Variants in ZCWPW2 observed in about 807,000 individuals in gnomAD.
ZCWPW2 encodes zinc finger CW-type and PWWP domain containing 2.
Under a neutral mutation model 46.6 loss-of-function variants are expected in ZCWPW2, and 45 were observed. That is an observed-to-expected ratio of 0.96 (90% CI 0.76 to 1.24). The LOEUF (loss-of-function observed/expected upper bound fraction) is 1.24. ZCWPW2 is among the 50% of genes most tolerant of loss of function. The pLI is 0.00. For synonymous variants in ZCWPW2, 152 were observed against 137.1 expected, an observed-to-expected ratio of 1.11 and a Z score of -0.76; for missense variants, 429 against 403.9, an observed-to-expected ratio of 1.06 and a Z score of -0.53.
chr3:28,351,108 A>T (rs2125683586), intron 1 of ZCWPW2, among the ~76,000 whole-genome samples: 1 of 151,524 alleles, frequency 6.6e-6, no homozygotes, highest in Admixed American at 6.6e-5. Flanking sequence ...CTACAAATTT[A>T]ATCTGAAATT....
intron 1 of ZCWPW2, among the ~76,000 whole-genome samples, chr3:28,372,389 G>T (rs1575060615): frequency 6.6e-6 from 1 of 152,198 alleles, no homozygotes; most frequent in East Asian, 1.9e-4. Context: ...AGCAAATCAT[G>T]AAATGTTAAC....
At chr3:28,372,229 AT>A (rs1272784269) in intron 1 of ZCWPW2, among the ~76,000 whole-genome samples, 2 of 152,132 alleles carry the variant, frequency 1.3e-5, no homozygotes, top group African/African-American at 2.4e-5. Flanking sequence ...AATTATGAAG[AT>A]TGTTGGATGT....
Position 28,410,913 on chromosome 3 carries a change from G to A in ZCWPW2, c.-13-2143G>A, listed in dbSNP as rs1696373739. Among the ~76,000 whole-genome samples the A allele has an allele frequency of 2.0e-5, 3 of 151,872 alleles. No homozygotes were observed. In the South Asian group the frequency reaches 6.2e-4, roughly 31 times the overall value. The stretch of plus-strand genomic sequence containing the variant: ...AGAGAGGGCATAAACAAACTTCAAA[G>A]CAAAAGAGACAAATGTAGTAGATAT... On this transcript the variant is annotated intron_variant, in intron 2 of 9. Transcript: ENST00000383768.
At chr3:28,438,500 A>C (rs1401888659) in intron 4 of ZCWPW2, among the ~76,000 whole-genome samples, 1 of 152,234 alleles carries the variant, frequency 6.6e-6, no homozygotes, top group East Asian at 1.9e-4. Context: ...TGGCACAAAG[A>C]TAGCCGACAA....
chr3:28,473,913 A>T (rs575343103), intron 4 of ZCWPW2, among the ~76,000 whole-genome samples: 3 of 152,188 alleles, frequency 2.0e-5, no homozygotes, highest in Non-Finnish European at 2.9e-5. Context: ...GAGATGTTTA[A>T]TGAGTACAAA....
At chr3:28,363,983 G>C (rs1018209761) in intron 1 of ZCWPW2, among the ~76,000 whole-genome samples, 3 of 152,048 alleles carry the variant, frequency 2.0e-5, no homozygotes, top group Non-Finnish European at 4.4e-5. Context: ...CAAATTTCCT[G>C]TTAATAGCCT....
intron 4 of ZCWPW2, chr3:28,461,396 A>G: frequency 6.6e-6 from 1 of 152,242 alleles, no homozygotes; most frequent in Non-Finnish European, 1.5e-5. Flanking sequence ...TGCTACCAAT[A>G]CTAGAGGATA....
chr3:28,491,801 C>G (rs1401563994), intron 5 of ZCWPW2, among the ~76,000 whole-genome samples: 3 of 151,996 alleles, frequency 2.0e-5, no homozygotes, highest in African/African-American at 7.2e-5. Flanking sequence ...GTTCTAGATC[C>G]TATATACTCC....
intron 1 of ZCWPW2, among the ~76,000 whole-genome samples, chr3:28,382,275 A>T (rs1470497450): frequency 6.6e-6 from 1 of 152,006 alleles, no homozygotes; most frequent in African/African-American, 2.4e-5. Context: ...TCTGAGAGCT[A>T]TGAGGGAAGG....
At chr3:28,436,529 C>T (rs775873494) in intron 4 of ZCWPW2, among the ~76,000 whole-genome samples, 3 of 151,932 alleles carry the variant, frequency 2.0e-5, no homozygotes, top group Non-Finnish European at 2.9e-5. Context: ...ATTTAATCCA[C>T]AGTAAAATTA....
chr3:28,508,156 G>C (rs1700329417), intron 6 of ZCWPW2, among the ~76,000 whole-genome samples: 1 of 152,042 alleles, frequency 6.6e-6, no homozygotes, highest in Non-Finnish European at 1.5e-5. Flanking sequence ...AGAATTAATA[G>C]ACTGAGAACT....
At chr3:28,463,876 G>C (rs569422117) in intron 4 of ZCWPW2, among the ~76,000 whole-genome samples, 1 of 150,482 alleles carries the variant, frequency 6.6e-6, no homozygotes, top group Non-Finnish European at 1.5e-5. Context: ...GAGGAAAGGA[G>C]GGAAGGAAGG....
intron 6 of ZCWPW2, among the ~76,000 whole-genome samples, chr3:28,495,613 A>AT (rs1035878973): frequency 2.0e-3 from 299 of 151,330 alleles, no homozygotes; most frequent in African/African-American, 6.6e-3. Flanking sequence ...ATTTGATAGA[A>AT]TTTTTTTTTG....
At chr3:28,383,326 G>C (rs1326682310) in intron 1 of ZCWPW2, among the ~76,000 whole-genome samples, 1 of 152,054 alleles carries the variant, frequency 6.6e-6, no homozygotes, top group East Asian at 1.9e-4. Context: ...AATAAAACAT[G>C]CAAGTCTTAA....
At chr3:28,431,713 A>G (rs1227948359) in intron 3 of ZCWPW2, among the ~76,000 whole-genome samples, 1 of 152,214 alleles carries the variant, frequency 6.6e-6, no homozygotes, top group Non-Finnish European at 1.5e-5. Context: ...TGTGTAAAGT[A>G]TATGTTTGTT....
At chr3:28,517,386 C>T (rs535222837) in intron 8 of ZCWPW2, among the ~76,000 whole-genome samples, 2 of 152,284 alleles carry the variant, frequency 1.3e-5, no homozygotes, top group Middle Eastern at 6.8e-3. Context: ...GGAGCCTTCC[C>T]AGAAGGCTTA....
chr3:28,517,922 T>G (rs4680916), intron 8 of ZCWPW2, among the ~76,000 whole-genome samples: 103,613 of 151,918 alleles, frequency 0.68, 35,454 homozygotes, highest in Admixed American at 0.76. Context: ...GATCACCTGA[T>G]GTCAGGAGTT....
At position 28,354,406 on chromosome 3, in the gene ZCWPW2, C is replaced by A. The variant is rs1704659654; in HGVS notation, c.-134+5203C>A. Among the ~76,000 whole-genome samples, 2 of 140,738 alleles carry A rather than the reference C, an allele frequency of 1.4e-5. 1 individual carries two copies. The highest frequency in any genetic ancestry group is 3.2e-5 in the Non-Finnish European group (2 of 62,864). 92.3% of individuals were successfully genotyped at this position (140,738 alleles called of 152,430 possible). A position where few individuals can be genotyped will look rare whatever the true frequency, so the allele number is the denominator to read the frequency against. On this transcript the variant is annotated intron_variant, in intron 1 of 9. Transcript: ENST00000383768. ...AGTCTAGGACCAGACGGATTCACAG[C>A]CAAATTCTACCAGAGGTACAAAGAG... is the stretch of plus-strand genomic sequence containing the variant.
intron 5 of ZCWPW2, 151 bp downstream of exon 5, chr3:28,479,082 C>T: frequency 1.8e-6 from 1 of 552,930 alleles, no homozygotes; most frequent in South Asian, 3.0e-5. Flanking sequence ...ATTTTTATAT[C>T]AATGAATAGC....
Sources: allele counts gnomAD v4.1 joint callset (sites outside exome capture counted in the v4.1 genomes callset), GRCh38; gene constraint gnomAD v4.1.1; transcripts MANE v1.5; gene names NCBI Gene and HGNC (gene_info 2026-07-23, HGNC 2026-07-21).